Variants in CALN1 observed in about 807,000 individuals in gnomAD.
CALN1 encodes the protein calneuron 1, also known as calcium-binding protein 8.
In CALN1, 17 loss-of-function variants were observed where a neutral mutation model predicts 30.6. That is an observed-to-expected ratio of 0.56 (90% CI 0.38 to 0.83). The LOEUF (loss-of-function observed/expected upper bound fraction) is 0.83, where lower values mean the gene tolerates loss of function less well. CALN1 is among the 40% of genes least tolerant of loss of function. CALN1 has a pLI of 0.00. For synonymous variants in CALN1, 156 were observed against 131.4 expected (o/e 1.19, Z -1.28); for missense variants, 291 against 354.9 (o/e 0.82, Z 1.45).
intron 2 of CALN1, among the ~76,000 whole-genome samples, chr7:72,323,793 C>T (rs1018887713): frequency 2.6e-5 from 4 of 152,102 alleles, no homozygotes; most frequent in Non-Finnish European, 4.4e-5. Context: ...CCTGTAATCC[C>T]GGCACTTTGG....
chr7:72,498,946 A>G, the CALN1 span, among the ~76,000 whole-genome samples: 1 of 152,196 alleles, frequency 6.6e-6, no homozygotes, highest in African/African-American at 2.4e-5. Context: ...TCATACGCAA[A>G]TAATTGTTCC....
chr7:72,140,478 G>A (rs1043901685), intron 3 of CALN1, among the ~76,000 whole-genome samples: 5 of 152,020 alleles, frequency 3.3e-5, no homozygotes, highest in Admixed American at 2.0e-4. Flanking sequence ...TTTAGCACAC[G>A]CAGCTCTACA....
chr7:72,091,297 C>G (rs532755549), intron 4 of CALN1, among the ~76,000 whole-genome samples: 1 of 152,328 alleles, frequency 6.6e-6, no homozygotes, highest in African/African-American at 2.4e-5. Context: ...CACCATTGCA[C>G]TCCAGTCTGG....
chr7:72,452,331 A>G, the CALN1 span, among the ~76,000 whole-genome samples: 2 of 152,028 alleles, frequency 1.3e-5, no homozygotes, highest in Non-Finnish European at 2.9e-5. Context: ...GTGACCCCCA[A>G]TGTTAGAGGT....
At chr7:71,868,114 A>T (rs1301344261) in intron 5 of CALN1, among the ~76,000 whole-genome samples, 1 of 152,078 alleles carries the variant, frequency 6.6e-6, no homozygotes, top group African/African-American at 2.4e-5. Flanking sequence ...ATCTATCCCC[A>T]TCCTAGAATC....
chr7:72,372,604 G>A (rs1432010304), intron 2 of CALN1, among the ~76,000 whole-genome samples: 1 of 152,072 alleles, frequency 6.6e-6, no homozygotes, highest in Non-Finnish European at 1.5e-5. Context: ...CTGAACAATG[G>A]AGTAGACAAT....
chr7:72,221,404 G>A (rs971287525), intron 3 of CALN1, among the ~76,000 whole-genome samples: 18 of 140,092 alleles, frequency 1.3e-4, no homozygotes, highest in Admixed American at 7.9e-5. Flanking sequence ...TGCAAGCTCC[G>A]CCTCCTGGAT....
At chr7:72,167,488 G>A (rs1788609533) in intron 3 of CALN1, among the ~76,000 whole-genome samples, 2 of 152,102 alleles carry the variant, frequency 1.3e-5, no homozygotes, top group Non-Finnish European at 2.9e-5. Flanking sequence ...GGGACTACAG[G>A]AGCCCGCCAC....
At chr7:72,098,616 G>A (rs1806403268) in intron 4 of CALN1, among the ~76,000 whole-genome samples, 1 of 151,970 alleles carries the variant, frequency 6.6e-6, no homozygotes, top group Non-Finnish European at 1.5e-5. Context: ...GCTGAGGTGG[G>A]AGGATAGCTT....
At chr7:71,973,158 G>A (rs1797931990) in intron 5 of CALN1, among the ~76,000 whole-genome samples, 1 of 151,802 alleles carries the variant, frequency 6.6e-6, no homozygotes, top group Non-Finnish European at 1.5e-5. Flanking sequence ...CCTGAAAATT[G>A]AATTCTGTTT....
intron 5 of CALN1, among the ~76,000 whole-genome samples, chr7:71,838,553 A>T (rs1227664209): frequency 1.3e-5 from 2 of 152,150 alleles, no homozygotes; most frequent in African/African-American, 2.4e-5. Flanking sequence ...CAGCCTCCTG[A>T]GTAGCTGGGG....
At chr7:72,256,109 T>C (rs1323965633) in intron 3 of CALN1, among the ~76,000 whole-genome samples, 1 of 152,138 alleles carries the variant, frequency 6.6e-6, no homozygotes, top group Non-Finnish European at 1.5e-5. Context: ...ACATTATTAG[T>C]GTCCTATTAG....
chr7:72,209,178 CTCCTTCCCTCTT>C (rs1341971055), intron 3 of CALN1, among the ~76,000 whole-genome samples: 4 of 125,438 alleles, frequency 3.2e-5, no homozygotes, highest in East Asian at 2.9e-4. Flanking sequence ...TCTTCCTTCC[CTCCTTCCCTCTT>C]TCCTTCCCTC....
At chr7:72,103,691 G>A (rs1025317176) in intron 4 of CALN1, among the ~76,000 whole-genome samples, 1 of 152,082 alleles carries the variant, frequency 6.6e-6, no homozygotes, top group Non-Finnish European at 1.5e-5. Context: ...GACTAGACAG[G>A]GGACTGCCAC....
At position 72,302,202 on chromosome 7, in the gene CALN1, C is replaced by T. The variant is rs772782828; in HGVS notation, c.120-23392G>A. 1.1e-4 allele frequency among the ~76,000 whole-genome samples: 16 copies of T among 152,068 alleles called. 1 individual carries two copies. In the South Asian group the frequency reaches 1.3e-3, roughly 12 times the overall value. ...AATAATACAAGAGAAATTCCCAGAG[C>T]GGATGAGATGAAGCTTGAGACTGAA... is the stretch of plus-strand genomic sequence containing the variant. On this transcript the variant is annotated intron_variant, in intron 2 of 6. Transcript: ENST00000395275.
intron 3 of CALN1, among the ~76,000 whole-genome samples, chr7:72,124,380 T>C (rs1040258609): frequency 4.6e-5 from 7 of 152,272 alleles, no homozygotes; most frequent in Non-Finnish European, 8.8e-5. Flanking sequence ...AAAACAATAA[T>C]AATTAGATGA....
intron 6 of CALN1, among the ~76,000 whole-genome samples, chr7:71,794,446 G>A (rs1370366013): frequency 6.6e-6 from 1 of 152,142 alleles, no homozygotes; most frequent in Non-Finnish European, 1.5e-5. Flanking sequence ...AAGACTATAG[G>A]TCAGTCTGGG....
rs199598140 is a variant in CALN1, at chr7:72,359,811, T to A, written c.119+43440A>T. 1.7e-4 allele frequency among the ~76,000 whole-genome samples: 26 copies of A among 151,416 alleles called. No homozygotes were observed. The East Asian group carries it at 4.9e-3, about 28-fold the overall frequency. ...GAACACGGTGAATCCCCGTCTCTACTAAAAATACAAAAAAAATTAGCCGGA... is the reference window on the plus strand; with the variant it reads ...GAACACGGTGAATCCCCGTCTCTACAAAAAATACAAAAAAAATTAGCCGGA... On this transcript the variant is annotated intron_variant, in intron 2 of 6. Coordinates refer to ENST00000395275, the MANE Select transcript of CALN1 (RefSeq NM_031468.4).
At chr7:72,206,519 C>A (rs1233745089) in intron 3 of CALN1, among the ~76,000 whole-genome samples, 1 of 152,150 alleles carries the variant, frequency 6.6e-6, no homozygotes. Context: ...TAATTTTCAT[C>A]TTAGTCAGTG....
Sources: allele counts gnomAD v4.1 joint callset (sites outside exome capture counted in the v4.1 genomes callset), GRCh38; gene constraint gnomAD v4.1.1; transcripts MANE v1.5; gene names NCBI Gene and HGNC (gene_info 2026-07-23, HGNC 2026-07-21).